The following CAMTA1 variants were observed in gnomAD, a reference collection of about 807,000 sequenced individuals.
CAMTA1 encodes calmodulin binding transcription activator 1, also known as calmodulin-binding transcription activator 1.
In CAMTA1, 27 loss-of-function variants were observed where a neutral mutation model predicts 170.9. The observed-to-expected ratio is 0.16, with a 90% CI of 0.12 to 0.22. The LOEUF is 0.22. Among genes scored for constraint, CAMTA1 ranks in the 10% least tolerant of loss-of-function variants. The probability of loss-of-function intolerance (pLI) is 1.00; values close to 1 mark genes in which losing one functional copy is unlikely to be tolerated. For missense variants in CAMTA1, 1,619 were observed against 2,217.2 expected, an observed-to-expected ratio of 0.73 and a Z score of 5.42; for synonymous variants, 833 against 891.5, an observed-to-expected ratio of 0.93 and a Z score of 1.17.
At chr1:7,226,949 TAGCCTCCTG>T (rs1661816223) in intron 4 of CAMTA1, among the ~76,000 whole-genome samples, 1 of 151,966 alleles carries the variant, frequency 6.6e-6, no homozygotes, top group African/African-American at 2.4e-5. Context: ...TCTCCTGCCT[TAGCCTCCTG>T]AGTAGCTGGG....
chr1:7,194,066 T>C (rs966011404), intron 4 of CAMTA1, among the ~76,000 whole-genome samples: 1 of 152,260 alleles, frequency 6.6e-6, no homozygotes, highest in African/African-American at 2.4e-5. Flanking sequence ...GGGATGTGTG[T>C]GACCTAGATT....
In CAMTA1 at chr1:7,050,741, G is replaced by A. The variant is rs570100966; in HGVS notation, c.235-40563G>A. 6.6e-6 allele frequency among the ~76,000 whole-genome samples: 1 copy of A among 152,276 alleles called. No homozygotes were observed. Among genetic ancestry groups the A allele is most frequent in the East Asian group, 1.9e-4 (1 of 5,178 alleles). ...GTGGAGGAGAGAGTATGGTGGGGAG[G>A]GGAAGGAGCCCCAGGGGGCCTTGGC... On this transcript the variant is annotated intron_variant, in intron 3 of 22. Transcript: ENST00000303635. This position sits in a 1 kb window ranked among gnomAD's most constrained non-coding sequence, Gnocchi z 4.8.
At chr1:7,476,566 A>G (rs1210211201) in intron 6 of CAMTA1, among the ~76,000 whole-genome samples, 2 of 152,186 alleles carry the variant, frequency 1.3e-5, no homozygotes, top group Admixed American at 6.5e-5. Context: ...AGCCAGTTCC[A>G]CACACCTCAC....
Position 7,234,974 on chromosome 1 carries a change from A to G in CAMTA1, c.303-14517A>G, listed in dbSNP as rs189722957. On this transcript the variant is annotated intron_variant, in intron 4 of 22. Coordinates refer to ENST00000303635, the MANE Select transcript of CAMTA1 (RefSeq NM_015215.4). This position sits in a 1 kb window ranked among gnomAD's most constrained non-coding sequence, Gnocchi z 5.0. ...GCTAATTTTTGTATTTTTAGTAGAG[A>G]TGGGGTTTCACCATGTCGGTCAGGC... Among the ~76,000 whole-genome samples, 755 of 152,080 alleles carry G rather than the reference A, an allele frequency of 5.0e-3. 15 individuals are homozygous for G. The highest frequency in any genetic ancestry group is 0.039 in the Admixed American group (590 of 15,258).
Position 7,668,428 on chromosome 1 carries a change from CA to C in CAMTA1, c.2653-2482del, listed in dbSNP as rs1244379508. 1.2e-4 allele frequency among the ~76,000 whole-genome samples: 16 copies of C among 128,810 alleles called. No individual in the cohort carries two copies. The East Asian group carries it at 2.5e-3, about 20-fold the overall frequency. The allele number at this position is 128,810 out of a possible 152,430, so 84.5% of individuals were successfully genotyped here. On this transcript the variant is annotated intron_variant, in intron 9 of 22. Transcript: ENST00000303635. ...ACACACACACACACACACACACACA[CA>C]CACCCACCACACACCCCAGAGGCGT...
intron 3 of CAMTA1, among the ~76,000 whole-genome samples, chr1:6,882,566 CTG>C (rs1381633272): frequency 1.3e-5 from 2 of 152,088 alleles, no homozygotes; most frequent in Non-Finnish European, 2.9e-5. Flanking sequence ...ATCAGGAAGA[CTG>C]AGAACAGCAG....
chr1:7,471,618 C>G (rs889204339), intron 6 of CAMTA1, among the ~76,000 whole-genome samples: 13 of 152,254 alleles, frequency 8.5e-5, no homozygotes, highest in African/African-American at 3.1e-4. Flanking sequence ...GCCCAGGTCA[C>G]CCAGTGGGTC....
chr1:6,995,689 A>G (rs1474499922), intron 3 of CAMTA1, among the ~76,000 whole-genome samples: 1 of 152,198 alleles, frequency 6.6e-6, no homozygotes, highest in Non-Finnish European at 1.5e-5. Flanking sequence ...TCGGGAGATG[A>G]TTGCTTTTGA....
At chr1:7,705,714 C>T (rs2096514895) in intron 11 of CAMTA1, among the ~76,000 whole-genome samples, 2 of 152,202 alleles carry the variant, frequency 1.3e-5, no homozygotes, top group African/African-American at 4.8e-5. Flanking sequence ...GCCCTGCGCT[C>T]CTCAGCGGGT....
intron 3 of CAMTA1, among the ~76,000 whole-genome samples, chr1:6,894,131 G>C (rs745834013): frequency 6.6e-6 from 1 of 152,168 alleles, no homozygotes; most frequent in African/African-American, 2.4e-5. Flanking sequence ...TTTGAAGGTT[G>C]GTGTGACATA....
At chr1:7,362,025 C>T (rs909558211) in intron 5 of CAMTA1, among the ~76,000 whole-genome samples, 1 of 152,172 alleles carries the variant, frequency 6.6e-6, no homozygotes, top group Non-Finnish European at 1.5e-5. Flanking sequence ...GAAAACCAAC[C>T]CTGAAAATTT....
intron 5 of CAMTA1, among the ~76,000 whole-genome samples, chr1:7,253,446 T>G (rs1156536798): frequency 6.6e-6 from 1 of 152,186 alleles, no homozygotes; most frequent in African/African-American, 2.4e-5. Flanking sequence ...CTGAGAGTGC[T>G]GGGTGTCCCA....
At chr1:7,222,604 C>G (rs1365282913) in intron 4 of CAMTA1, among the ~76,000 whole-genome samples, 1 of 152,132 alleles carries the variant, frequency 6.6e-6, no homozygotes, top group Admixed American at 6.5e-5. Context: ...CTAGACAGCC[C>G]CAGCCCTTTC....
chr1:7,760,193 C>A (rs2096964057), intron 22 of CAMTA1, among the ~76,000 whole-genome samples: 1 of 152,192 alleles, frequency 6.6e-6, no homozygotes, highest in African/African-American at 2.4e-5. Flanking sequence ...TATTTTCAAA[C>A]AACATATTTT....
chr1:7,404,605 C>A (rs845203), intron 5 of CAMTA1, among the ~76,000 whole-genome samples: 93,794 of 151,882 alleles, frequency 0.62, 30,597 homozygotes, highest in Middle Eastern at 0.73. Context: ...TTTTGGGGAC[C>A]CTCTCCTCAG....
chr1:7,322,943 T>TCCATC (rs1678656935), intron 5 of CAMTA1, among the ~76,000 whole-genome samples: 1 of 111,238 alleles, frequency 9.0e-6, no homozygotes, highest in African/African-American at 3.5e-5. Flanking sequence ...TCTCTTTCTT[T>TCCATC]CCCTCCCCTC....
At chr1:7,617,296 C>T (rs910265320) in intron 6 of CAMTA1, among the ~76,000 whole-genome samples, 4 of 152,132 alleles carry the variant, frequency 2.6e-5, no homozygotes, top group East Asian at 1.9e-4. Flanking sequence ...TCCAGCTCAG[C>T]GGGGGAAGAG....
At chr1:6,830,755 A>G (rs957453916) in intron 3 of CAMTA1, among the ~76,000 whole-genome samples, 1 of 152,130 alleles carries the variant, frequency 6.6e-6, no homozygotes, top group African/African-American at 2.4e-5. Flanking sequence ...TACCTCCAAA[A>G]TCAAGACACG....
At chr1:7,661,896 G>T in intron 8 of CAMTA1, 30 bp downstream of exon 8, 1 of 1,574,866 alleles carries the variant, frequency 6.3e-7, no homozygotes, top group Non-Finnish European at 8.6e-7. Context: ...GCAGGCGGGC[G>T]CCACGGGGAC....
Sources: allele counts gnomAD v4.1 joint callset (sites outside exome capture counted in the v4.1 genomes callset), GRCh38; gene constraint gnomAD v4.1.1; non-coding constraint Gnocchi (gnomAD v3.1); transcripts MANE v1.5; gene names NCBI Gene and HGNC (gene_info 2026-07-23, HGNC 2026-07-21).